The following TCEA1 variants were observed in gnomAD, a reference collection of about 807,000 sequenced individuals.
TCEA1 encodes the protein transcription elongation factor A protein 1.
Under a neutral mutation model 43.8 loss-of-function variants are expected in TCEA1, and 21 were observed. That is an observed-to-expected ratio of 0.48 (90% CI 0.34 to 0.69). The LOEUF (loss-of-function observed/expected upper bound fraction) is 0.69. Ranked by LOEUF, TCEA1 falls within the 30% of genes least tolerant of loss-of-function variation. The pLI, the probability that TCEA1 is intolerant of heterozygous loss-of-function variation, is 0.01. For missense variants in TCEA1, 250 were observed against 365.1 expected (o/e 0.68, Z 2.57); for synonymous variants, 104 against 117.5 (o/e 0.88, Z 0.75).
chr8:53,995,987 AG>A (rs1159657313), intron 3 of TCEA1, among the ~76,000 whole-genome samples: 2 of 152,246 alleles, frequency 1.3e-5, no homozygotes, highest in African/African-American at 2.4e-5. Flanking sequence ...AAGATGCTAT[AG>A]TACTGTAACA....
At chr8:54,021,906 G>T in intron 1 of TCEA1, 157 bp downstream of exon 1, 1 of 588,760 alleles carries the variant, frequency 1.7e-6, no homozygotes. Context: ...CGACGCCCCG[G>T]GCCCGGACAC....
At chr8:53,982,197 A>G (rs988714712) in intron 7 of TCEA1, among the ~76,000 whole-genome samples, 5 of 152,184 alleles carry the variant, frequency 3.3e-5, no homozygotes. Flanking sequence ...AGATGCCATT[A>G]GGAACATTAG....
chr8:53,973,804 CAA>C (rs1357883313), intron 8 of TCEA1: 1 of 416,026 alleles, frequency 2.4e-6, no homozygotes, highest in Non-Finnish European at 4.6e-6. Context: ...TTCAAGAAAA[CAA>C]AAGCTGTGGA....
chr8:53,974,537 G>T (rs1196477235), intron 8 of TCEA1, among the ~76,000 whole-genome samples: 12 of 140,142 alleles, frequency 8.6e-5, no homozygotes, highest in Non-Finnish European at 1.2e-4. Flanking sequence ...GGGGGTGGGG[G>T]TGGGGGGGGG....
At chr8:54,008,788 A>T (rs1378969993) in intron 2 of TCEA1, among the ~76,000 whole-genome samples, 1 of 151,646 alleles carries the variant, frequency 6.6e-6, no homozygotes, top group Non-Finnish European at 1.5e-5. Context: ...GCAAATAAAA[A>T]CCACCATGAG....
Position 53,988,202 on chromosome 8 carries a change from A to G in TCEA1, c.378T>C (p.Tyr126=), listed in dbSNP as rs374069934. The G allele has an allele frequency of 3.5e-5, 56 of 1,613,462 alleles. No individual in the cohort carries two copies. The highest frequency in any genetic ancestry group is 2.8e-4 in the Admixed American group (17 of 59,940). ...TTGGTGCCCGAGGAAAGGATGAAAC[A>G]TAAGTATCTCGAGCATTTGTCTCAT... is the stretch of plus-strand genomic sequence containing the variant. ...RKDETNARDT[Y]VSSFPRAPST... Residue 126 remains tyrosine (Y), a synonymous_variant, in exon 5 of 10, where the codon TAT becomes TAC. Transcript: ENST00000521604.
chr8:54,010,687 G>C (rs1320934280), intron 1 of TCEA1, among the ~76,000 whole-genome samples, 195 bp from the exon 2 acceptor site: 2 of 151,934 alleles, frequency 1.3e-5, no homozygotes, highest in Non-Finnish European at 2.9e-5. Flanking sequence ...TCATCTAATT[G>C]AATATATTCA....
chr8:54,002,743 G>A (rs1804311835), intron 2 of TCEA1: 1 of 368,772 alleles, frequency 2.7e-6, no homozygotes, highest in Non-Finnish European at 5.3e-6. Context: ...GTGACCTTAG[G>A]AATTGTGGGA....
At chr8:53,999,520 T>C (rs192654420) in intron 3 of TCEA1, 39 of 159,352 alleles carry the variant, frequency 2.4e-4, no homozygotes, top group Admixed American at 2.2e-3. Flanking sequence ...TTTGTGTGTG[T>C]GCAAATAGAG....
At chr8:53,984,578 T>C (rs924402843) in intron 6 of TCEA1, 61 bp from the exon 7 acceptor site, 43 of 1,423,672 alleles carry the variant, frequency 3.0e-5, no homozygotes, top group Non-Finnish European at 3.5e-5. Context: ...TTTTTTCCTG[T>C]TCTGCCAAAA....
chr8:53,968,371 GT>G (rs58322610), intron 9 of TCEA1, among the ~76,000 whole-genome samples: 24,913 of 140,504 alleles, frequency 0.18, 5,776 homozygotes, highest in African/African-American at 0.54. Flanking sequence ...TGTTTTTAAG[GT>G]TAAAAAAAAA....
chr8:53,995,663 G>C (rs1804031419), intron 3 of TCEA1, among the ~76,000 whole-genome samples: 2 of 152,094 alleles, frequency 1.3e-5, no homozygotes. Flanking sequence ...GAATCACCTA[G>C]GGAGCTTTTA....
chr8:53,984,563 C>A, intron 6 of TCEA1, 46 bp from the exon 7 acceptor site: 1 of 1,477,756 alleles, frequency 6.8e-7, no homozygotes, highest in South Asian at 1.4e-5. Context: ...AAAGTAAGAT[C>A]ACTTTTTTTT....
chr8:54,010,328 C>T (rs1230784814), intron 2 of TCEA1, 102 bp downstream of exon 2: 3 of 854,676 alleles, frequency 3.5e-6, no homozygotes, highest in East Asian at 2.8e-5. Context: ...TAATGGTTTA[C>T]ACCATTATCA....
At position 53,996,919 on chromosome 8, in the gene TCEA1, A is replaced by T. The variant is rs899469291; in HGVS notation, c.232+3026T>A. Among the ~76,000 whole-genome samples, 287 of 66,072 alleles carry T rather than the reference A, an allele frequency of 4.3e-3. 5 individuals carry two copies. In the African/African-American group the frequency reaches 0.068, roughly 16 times the overall value. 43.3% of individuals were successfully genotyped at this position (66,072 alleles called of 152,430 possible). A position where few individuals can be genotyped will look rare whatever the true frequency, so the allele number is the denominator to read the frequency against. ...GAAGGTTGTCTTTTTTTTTTTTTTT[A>T]GACAGACTCTCACTCTGTTGCCCAG... On this transcript the variant is annotated intron_variant, in intron 3 of 9. Transcript: ENST00000521604.
rs923177617 is a variant in TCEA1, at chr8:53,987,017, T to G, written c.475A>C (p.Ile159Leu). ...TCTTCCTCATCAGCTCCAATTGCAA[T>G]GTAGTCATCTAAAAATAGGCATAAA... ...AAALRTGDDY[I>L]AIGADEEELG... The change falls in exon 6 of 10, where the codon ATT (isoleucine) becomes CTT (leucine). Residue 159 changes from isoleucine (I) to leucine (L), a missense_variant. This residue lies in a region of TCEA1 where 147 missense variants were observed against 160.3 expected (regional missense o/e 0.92). Coordinates refer to ENST00000521604, the MANE Select transcript of TCEA1 (RefSeq NM_006756.4). 3.1e-6 allele frequency: 5 copies of G among 1,598,690 alleles called. No homozygotes were observed. The African/African-American group carries it at 6.7e-5, about 21-fold the overall frequency.
intron 8 of TCEA1, chr8:53,972,129 G>A: frequency 3.4e-6 from 1 of 291,028 alleles, no homozygotes; most frequent in Non-Finnish European, 6.7e-6. Flanking sequence ...ATCCATAACG[G>A]CAAGTGGCAG....
intron 9 of TCEA1, chr8:53,970,167 C>A: frequency 3.6e-6 from 2 of 551,196 alleles, no homozygotes; most frequent in Non-Finnish European, 6.4e-6. Context: ...CTCCCCATTT[C>A]CTGCACCAAA....
At chr8:53,968,457 T>G (rs1012397921) in intron 9 of TCEA1, among the ~76,000 whole-genome samples, 2 of 152,176 alleles carry the variant, frequency 1.3e-5, no homozygotes, top group Non-Finnish European at 1.5e-5. Flanking sequence ...AAATTGAACT[T>G]TCTTAAATTC....
Sources: gnomAD v4.1 joint callset for allele counts (sites outside exome capture counted in the v4.1 genomes callset) on GRCh38, gnomAD v4.1.1 for gene constraint, gnomAD v4.1.1 regional missense constraint, MANE v1.5 for transcripts, NCBI Gene and HGNC (gene_info 2026-07-23, HGNC 2026-07-21) for gene names.